KIR3DL3: variants seen among roughly 807,000 people sequenced by gnomAD.
The protein encoded by KIR3DL3 is killer cell immunoglobulin-like receptor 3DL3.
Under a neutral mutation model 34.9 loss-of-function variants are expected in KIR3DL3, and 27 were observed. The ratio of observed to expected loss-of-function variants is 0.77; its 90% CI spans 0.57 to 1.07. The LOEUF is 1.07. KIR3DL3 is among the 50% of genes least tolerant of loss of function. The probability of loss-of-function intolerance (pLI) is 0.00; values close to 1 mark genes in which losing one functional copy is unlikely to be tolerated. For missense variants in KIR3DL3, 681 were observed against 528.5 expected, an observed-to-expected ratio of 1.29 and a Z score of -2.83; for synonymous variants, 217 against 200.2, an observed-to-expected ratio of 1.08 and a Z score of -0.71.
At position 54,726,101 on chromosome 19, in the gene KIR3DL3, C is replaced by T. The variant is rs1207792883; in HGVS notation, c.119C>T (p.Ser40Phe). 1 of 1,613,452 alleles carries T rather than the reference C, an allele frequency of 6.2e-7. No individual in the cohort carries two copies. Among genetic ancestry groups the T allele is most frequent in the African/African-American group, 1.3e-5 (1 of 74,732 alleles). ...FLSAWPGTVV[S>F]EGQHVTLQCR... ...TCTGCCTGGCCCGGCACTGTGGTGT[C>T]TGAAGGACAACATGTGACTCTTCAG... Residue 40 changes from serine to phenylalanine, a missense_variant, in exon 3 of 8, where the codon TCT (serine) becomes TTT (phenylalanine). Coordinates refer to ENST00000291860, the MANE Select transcript of KIR3DL3 (RefSeq NM_153443.5).
chr19:54,734,160 T>A (rs753012918), intron 5 of KIR3DL3, among the ~76,000 whole-genome samples: 33 of 121,088 alleles, frequency 2.7e-4, no homozygotes, highest in Non-Finnish European at 4.8e-4. Context: ...TTGGAGAATG[T>A]AATTTTTTTG....
rs2273725 is a variant in KIR3DL3 at position 54,736,220 on chromosome 19, C to A, written c.*124C>A. ...CTGTCTCAAAACCGGGTTGCCAGCT[C>A]CCATGTACCAGCAGCTGGACTCTGA... On this transcript the variant is annotated 3_prime_UTR_variant, in exon 8 of 8. Coordinates refer to ENST00000291860, the MANE Select transcript of KIR3DL3 (RefSeq NM_153443.5). 1.1e-5 allele frequency: 14 copies of A among 1,328,768 alleles called. No individual in the cohort carries two copies. In the East Asian group the frequency reaches 2.7e-4, roughly 26 times the overall value. 82.3% of individuals were successfully genotyped at this position (1,328,768 alleles called of 1,614,324 possible). A position where few individuals can be genotyped will look rare whatever the true frequency, so the allele number is the denominator to read the frequency against.
Position 54,732,227 on chromosome 19 carries a change from G to GGT in KIR3DL3, c.949+2441_949+2442insGT, listed in dbSNP as rs1555877153. 1.3e-3 allele frequency among the ~76,000 whole-genome samples: 198 copies of GGT among 149,226 alleles called. 2 individuals are homozygous for GGT. Among genetic ancestry groups the GGT allele is most frequent in the African/African-American group, 4.7e-3 (192 of 40,536 alleles). On this transcript the variant is annotated intron_variant, in intron 5 of 7. Coordinates refer to ENST00000291860, the MANE Select transcript of KIR3DL3 (RefSeq NM_153443.5). ...GAAGCATCTGTGCACCAAATCTGGG[G>GGT]TTTTTTGTGTGTGTGTGTGTTTTTT...
At chr19:54,730,473 G>C (rs1281422980) in intron 5 of KIR3DL3, among the ~76,000 whole-genome samples, 4 of 150,972 alleles carry the variant, frequency 2.6e-5, no homozygotes, top group Non-Finnish European at 4.4e-5. Flanking sequence ...ACTTGGTAGG[G>C]TTGGGCAGGA....
chr19:54,735,298 T>G lies in KIR3DL3; in HGVS notation c.995T>G (p.Ile332Ser). 2 of 1,506,544 alleles carry G rather than the reference T, an allele frequency of 1.3e-6. No homozygotes were observed. Among genetic ancestry groups the G allele is most frequent in the Non-Finnish European group, 1.8e-6 (2 of 1,088,346 alleles). The allele number at this position is 1,506,544 out of a possible 1,614,324, so 93.3% of individuals were successfully genotyped here. Reference protein sequence around the residue: ...LHVLIGTSVVIIPFAILLFFL... With the variant: ...LHVLIGTSVVSIPFAILLFFL... The stretch of plus-strand genomic sequence containing the variant: ...GTTCTGATTGGGACCTCAGTGGTCA[T>G]CATCCCCTTTGCTATCCTCCTCTTC... Residue 332 changes from isoleucine (I) to serine (S), a missense_variant, in exon 6 of 8, where the codon ATC (isoleucine) becomes AGC (serine). By Grantham distance (142) the Ile-to-Ser change is moderately radical (BLOSUM62 -2). Coordinates refer to ENST00000291860, the MANE Select transcript of KIR3DL3 (RefSeq NM_153443.5).
Position 54,736,000 on chromosome 19 carries a change from G to A in KIR3DL3, c.1137G>A (p.Val379=), listed in dbSNP as rs753823174. The A allele has an allele frequency of 3.1e-6, 5 of 1,613,398 alleles. No individual in the cohort carries two copies. The East Asian group carries it at 8.9e-5, about 29-fold the overall frequency. ...CTGATGAACAAGACCCTCAGGAGGT[G>A]ACATACGCACAGTTGAATCACTGCG... ...EDSDEQDPQE[V]TYAQLNHCVF... The change falls in exon 8 of 8, where the codon GTG becomes GTA. Residue 379 remains valine, a synonymous_variant. Transcript: ENST00000291860.
chr19:54,728,002 G>C, intron 4 of KIR3DL3, 92 bp downstream of exon 4: 1 of 1,288,746 alleles, frequency 7.8e-7, no homozygotes, highest in South Asian at 1.4e-5. Flanking sequence ...AGGAAGATGA[G>C]TGTGGGGTTC....
chr19:54,727,708 G>T lies in KIR3DL3; in HGVS notation c.453G>T (p.Glu151Asp), dbSNP rs1383021281. ...AATGTTGGTCAGATGTCAGGTTTGA[G>T]CGCTTCCTTCTGCACAGAGAGGGGA... Reference protein sequence around the residue: ...ILQCWSDVRFERFLLHREGIT... With the variant: ...ILQCWSDVRFDRFLLHREGIT... The change falls in exon 4 of 8, where the codon GAG becomes GAT. Residue 151 changes from glutamate (E) to aspartate (D), a missense_variant. By Grantham distance (45) the Glu-to-Asp change is conservative. Transcript: ENST00000291860. 36 of 1,612,862 alleles carry T rather than the reference G, an allele frequency of 2.2e-5. No individual in the cohort carries two copies. Among genetic ancestry groups the T allele is most frequent in the Non-Finnish European group, 2.5e-5 (30 of 1,179,782 alleles).
intron 3 of KIR3DL3, among the ~76,000 whole-genome samples, chr19:54,727,167 G>A (rs1168527278): frequency 1.7e-5 from 2 of 120,504 alleles, no homozygotes; most frequent in South Asian, 3.0e-4. Context: ...GACATGAAAG[G>A]AGAGGCTCCC....
intron 6 of KIR3DL3, 143 bp from the exon 7 acceptor site, chr19:54,735,677 G>C: frequency 2.3e-6 from 2 of 857,692 alleles, no homozygotes; most frequent in South Asian, 3.2e-5. Context: ...CTTGAGCTCA[G>C]AGAGATAGAA....
intron 2 of KIR3DL3, among the ~76,000 whole-genome samples, 156 bp from the exon 3 acceptor site, chr19:54,725,897 C>T (rs947043468): frequency 1.6e-4 from 24 of 152,270 alleles, no homozygotes; most frequent in South Asian, 6.2e-4. Context: ...TGTAGGGAGA[C>T]GCCATGTCTA....
At position 54,729,608 on chromosome 19, in the gene KIR3DL3, G is replaced by A; in HGVS notation, c.771G>A (p.Arg257=). Residue 257 remains arginine (R), a synonymous_variant, in exon 5 of 8, where the codon AGG becomes AGA. Coordinates refer to ENST00000291860, the MANE Select transcript of KIR3DL3 (RefSeq NM_153443.5). ...RSLFDIYHLS[R]EAEAGELRLT... ...TGTTTGACATTTACCATCTATCCAGGGAGGCGGAGGCCGGTGAACTTAGGC... is the reference window on the plus strand; with the variant it reads ...TGTTTGACATTTACCATCTATCCAGAGAGGCGGAGGCCGGTGAACTTAGGC... 1.2e-6 allele frequency: 2 copies of A among 1,604,882 alleles called. No individual in the cohort carries two copies. Among genetic ancestry groups the A allele is most frequent in the Non-Finnish European group, 1.7e-6 (2 of 1,177,738 alleles).
intron 4 of KIR3DL3, among the ~76,000 whole-genome samples, chr19:54,729,147 T>C (rs1428576848): frequency 1.3e-4 from 19 of 146,684 alleles, no homozygotes; most frequent in Non-Finnish European, 2.7e-4. Flanking sequence ...GATCGATCAA[T>C]AGATAATAGA....
At chr19:54,731,570 A>G (rs2068795977) in intron 5 of KIR3DL3, among the ~76,000 whole-genome samples, 2 of 151,830 alleles carry the variant, frequency 1.3e-5, no homozygotes, top group Admixed American at 6.6e-5. Flanking sequence ...GTGGATGAAA[A>G]CATGTTTTTC....
Position 54,736,004 on chromosome 19 carries a change from T to A in KIR3DL3, c.1141T>A (p.Tyr381Asn), listed in dbSNP as rs1229639335. 6.2e-7 allele frequency: 1 copy of A among 1,613,588 alleles called. No homozygotes were observed. Among genetic ancestry groups the A allele is most frequent in the South Asian group, 1.1e-5 (1 of 91,050 alleles). Residue 381 changes from tyrosine to asparagine, a missense_variant, in exon 8 of 8, where the codon TAC (tyrosine) becomes AAC (asparagine). Coordinates refer to ENST00000291860, the MANE Select transcript of KIR3DL3 (RefSeq NM_153443.5). ...SDEQDPQEVT[Y>N]AQLNHCVFTQ... Reference sequence around the variant, plus strand: ...TGAACAAGACCCTCAGGAGGTGACATACGCACAGTTGAATCACTGCGTTTT... The same window carrying A: ...TGAACAAGACCCTCAGGAGGTGACAAACGCACAGTTGAATCACTGCGTTTT...
chr19:54,735,442 ACT>A (rs2069418088), intron 6 of KIR3DL3, 85 bp downstream of exon 6: 14 of 665,128 alleles, frequency 2.1e-5, no homozygotes, highest in Admixed American at 7.2e-5. Flanking sequence ...TTCCTCACAG[ACT>A]GGATGGTCCC....
Position 54,727,811 on chromosome 19 carries a change from A to G in KIR3DL3, c.556A>G (p.Thr186Ala). 6.2e-7 allele frequency: 1 copy of G among 1,613,880 alleles called. No individual in the cohort carries two copies. The highest frequency in any genetic ancestry group is 8.5e-7 in the Non-Finnish European group (1 of 1,179,974). The part of the protein sequence containing the change: ...SQVNYSMGPM[T>A]PALAGTYRCF... ...GGTCAACTATTCCATGGGTCCCATG[A>G]CACCTGCCCTTGCAGGGACCTACAG... The change falls in exon 4 of 8, where the codon ACA (threonine) becomes GCA (alanine). Residue 186 changes from threonine to alanine, a missense_variant. Thr to Ala is a moderately conservative substitution (Grantham distance 58). Transcript: ENST00000291860.
chr19:54,726,674 G>A lies in KIR3DL3; in HGVS notation c.355+337G>A, dbSNP rs1230885377. Among the ~76,000 whole-genome samples, 3 of 147,038 alleles carry A rather than the reference G, an allele frequency of 2.0e-5. 1 individual carries two copies. In the Admixed American group the frequency reaches 2.1e-4, roughly 10 times the overall value. On this transcript the variant is annotated intron_variant, in intron 3 of 7. Coordinates refer to ENST00000291860, the MANE Select transcript of KIR3DL3 (RefSeq NM_153443.5). ...AATCACAAGGGTCCTCATGAGAGGA[G>A]GAGGAAGAGGAAAGTGGGGTTAGAG...
chr19:54,726,046 C>T lies in KIR3DL3; in HGVS notation c.71-7C>T, dbSNP rs1486791406. On this transcript the variant is annotated splice_region_variant and splice_polypyrimidine_tract_variant and intron_variant, in intron 2 of 7. Coordinates refer to ENST00000291860, the MANE Select transcript of KIR3DL3 (RefSeq NM_153443.5). ...CCTCTCTAAGGTGGTGCCTCCTTCT[C>T]CCCCAGGTGGTCAGGACAAGCCCTT... 3 of 1,600,106 alleles carry T rather than the reference C, an allele frequency of 1.9e-6. No individual in the cohort carries two copies. Among genetic ancestry groups the T allele is most frequent in the South Asian group, 2.2e-5 (2 of 90,348 alleles).
Sources: allele counts gnomAD v4.1 joint callset (sites outside exome capture counted in the v4.1 genomes callset), GRCh38; gene constraint gnomAD v4.1.1; transcripts MANE v1.5; gene names NCBI Gene and HGNC (gene_info 2026-07-23, HGNC 2026-07-21).